Variants in UCHL3 observed in about 807,000 individuals in gnomAD.
UCHL3 encodes ubiquitin carboxyl-terminal hydrolase isozyme L3.
UCHL3 carries 22 observed loss-of-function variants against 35.8 expected under a neutral mutation model. That is an observed-to-expected ratio of 0.61 (90% CI 0.44 to 0.88). UCHL3 has a LOEUF of 0.88. Ranked by LOEUF, UCHL3 falls within the 40% of genes least tolerant of loss-of-function variation. The pLI, the probability that UCHL3 is intolerant of heterozygous loss-of-function variation, is 0.00. For missense variants in UCHL3, 229 were observed against 276.9 expected (o/e 0.83, Z 1.23); for synonymous variants, 90 against 92.8 (o/e 0.97, Z 0.17).
chr13:75,604,229 C>G (rs1412150575), intron 7 of UCHL3, among the ~76,000 whole-genome samples: 1 of 152,042 alleles, frequency 6.6e-6, no homozygotes, highest in Non-Finnish European at 1.5e-5. Context: ...TGAAAAAGTA[C>G]TAGTTTATTT....
intron 6 of UCHL3, among the ~76,000 whole-genome samples, chr13:75,574,592 A>G (rs1593738845): frequency 6.6e-6 from 1 of 152,216 alleles, no homozygotes; most frequent in East Asian, 1.9e-4. Flanking sequence ...CATTTACCTT[A>G]TGGGATTGTT....
intron 6 of UCHL3, among the ~76,000 whole-genome samples, chr13:75,570,051 TTTTC>T (rs1450767557): frequency 6.6e-5 from 10 of 152,172 alleles, no homozygotes; most frequent in South Asian, 2.1e-4. Flanking sequence ...TCCTTCCATC[TTTTC>T]TTTCTTTCTT....
chr13:75,561,681 G>A (rs1362783973), intron 3 of UCHL3, among the ~76,000 whole-genome samples: 2 of 151,916 alleles, frequency 1.3e-5, no homozygotes, highest in South Asian at 2.1e-4. Context: ...GCTTTAGGGT[G>A]TGTTGGGGAT....
intron 2 of UCHL3, among the ~76,000 whole-genome samples, chr13:75,557,087 T>G (rs949000545): frequency 6.6e-6 from 1 of 152,084 alleles, no homozygotes. Flanking sequence ...TGATGATGTA[T>G]GCCTGTAGTC....
intron 6 of UCHL3, among the ~76,000 whole-genome samples, chr13:75,584,127 C>T (rs567843144): frequency 5.9e-5 from 9 of 152,160 alleles, no homozygotes; most frequent in South Asian, 4.1e-4. Flanking sequence ...ACCCCTTTTG[C>T]GGGAGGGGCA....
At position 75,601,769 on chromosome 13, in the gene UCHL3, A is replaced by G. The variant is rs550917195; in HGVS notation, c.551-3000A>G. The stretch of plus-strand genomic sequence containing the variant: ...GCCTGTACATTTTTTAGAAGTTTTA[A>G]TTTCTGTATAGTCTCTCTTTTTTAA... On this transcript the variant is annotated intron_variant, in intron 7 of 8. Coordinates refer to ENST00000377595, the MANE Select transcript of UCHL3 (RefSeq NM_006002.5). Among the ~76,000 whole-genome samples, 15 of 152,236 alleles carry G rather than the reference A, an allele frequency of 9.9e-5. No homozygotes were observed. The East Asian group carries it at 1.7e-3, about 18-fold the overall frequency.
intron 6 of UCHL3, among the ~76,000 whole-genome samples, chr13:75,587,284 C>T (rs1169135450): frequency 3.3e-5 from 5 of 151,788 alleles, no homozygotes; most frequent in Non-Finnish European, 1.5e-5. Context: ...AAGATAAAGA[C>T]TGTTAGAAAT....
At position 75,560,735 on chromosome 13, in the gene UCHL3, C is replaced by G. The variant is rs750950034; in HGVS notation, c.55-18C>G. The G allele has an allele frequency of 6.5e-7, 1 of 1,540,022 alleles. No individual in the cohort carries two copies. Among genetic ancestry groups the G allele is most frequent in the African/African-American group, 1.4e-5 (1 of 69,520 alleles). On this transcript the variant is annotated intron_variant, in intron 2 of 8. Transcript: ENST00000377595. ...ACTAATGTTCCATTGTTTTTTTTTT[C>G]TTTCTTTCTTTTACCAGTTTCTTAA...
intron 6 of UCHL3, among the ~76,000 whole-genome samples, chr13:75,591,839 G>A (rs1173461833): frequency 6.6e-6 from 1 of 152,088 alleles, no homozygotes; most frequent in East Asian, 1.9e-4. Flanking sequence ...TGCTTGGGAT[G>A]AGAAGTGTTT....
At position 75,549,962 on chromosome 13, in the gene UCHL3, T is replaced by G; in HGVS notation, c.43-14T>G. The G allele has an allele frequency of 1.2e-6, 2 of 1,614,268 alleles. No individual in the cohort carries two copies. The highest frequency in any genetic ancestry group is 1.7e-6 in the Non-Finnish European group (2 of 1,180,034). ...TGGTTTGTCTCTAAAGCGTGTTCTC[T>G]GTTTCGTTTTCAGGTCACCAACCAG... On this transcript the variant is annotated splice_polypyrimidine_tract_variant and intron_variant, in intron 1 of 8. Coordinates refer to ENST00000377595, the MANE Select transcript of UCHL3 (RefSeq NM_006002.5).
chr13:75,566,824 G>A lies in UCHL3; in HGVS notation c.313G>A (p.Ala105Thr). ...AACAATTGGACTGATTCATGCTATT[G>A]CAAACAATAAAGACAAGATGCACTT... ...CGTIGLIHAI[A>T]NNKDKMHFES... is the part of the protein sequence containing the mutation. Residue 105 changes from alanine to threonine, a missense_variant, in exon 4 of 9, where the codon GCA (alanine) becomes ACA (threonine). Ala to Thr is a moderately conservative substitution (Grantham distance 58). Transcript: ENST00000377595. 6.2e-7 allele frequency: 1 copy of A among 1,600,006 alleles called. No individual in the cohort carries two copies. The highest frequency in any genetic ancestry group is 1.3e-5 in the African/African-American group (1 of 74,180).
intron 6 of UCHL3, among the ~76,000 whole-genome samples, chr13:75,591,190 T>C (rs1463210751): frequency 2.6e-5 from 4 of 152,234 alleles, no homozygotes; most frequent in Admixed American, 1.3e-4. Context: ...TCTAGTGTTA[T>C]ACTCAAACTG....
In UCHL3 at chr13:75,605,178, G is replaced by A. The variant is rs141847540; in HGVS notation, c.609+351G>A. ...TTGTGTGGCTTAGAATCAATGAAAC[G>A]TGATTTTTAGTTGAAAAGTTTCTTA... On this transcript the variant is annotated intron_variant, in intron 8 of 8. Coordinates refer to ENST00000377595, the MANE Select transcript of UCHL3 (RefSeq NM_006002.5). Among the ~76,000 whole-genome samples, 239 of 152,246 alleles carry A rather than the reference G, an allele frequency of 1.6e-3. 1 individual carries two copies. Among genetic ancestry groups the A allele is most frequent in the African/African-American group, 5.5e-3 (228 of 41,528 alleles).
chr13:75,568,687 T>A (rs1185475520), intron 5 of UCHL3, among the ~76,000 whole-genome samples: 1 of 152,004 alleles, frequency 6.6e-6, no homozygotes, highest in Non-Finnish European at 1.5e-5. Context: ...TTTTTCACTA[T>A]TTTAATAAAT....
At chr13:75,555,498 C>T (rs1231523917) in intron 2 of UCHL3, among the ~76,000 whole-genome samples, 3 of 152,160 alleles carry the variant, frequency 2.0e-5, no homozygotes, top group Admixed American at 6.5e-5. Context: ...ATGAATAGAT[C>T]TTATAAAGCT....
intron 3 of UCHL3, among the ~76,000 whole-genome samples, chr13:75,563,104 T>C (rs2031568926): frequency 6.6e-6 from 1 of 151,900 alleles, no homozygotes; most frequent in South Asian, 2.1e-4. Flanking sequence ...GCAAAGGAAC[T>C]GTCATGGGTA....
At chr13:75,568,945 G>A (rs1297428461) in intron 5 of UCHL3, among the ~76,000 whole-genome samples, 9 of 151,230 alleles carry the variant, frequency 6.0e-5, no homozygotes, top group Non-Finnish European at 1.2e-4. Context: ...TATAAGAGTG[G>A]TTTTTTTTTA....
rs183729832 is a variant in UCHL3 at position 75,592,772 on chromosome 13, A to G, written c.475-2143A>G. ...TTTCATACCCTTTTTAGAATTTTGT[A>G]TTTTTAGTATGCACTTTTAGATTAA... On this transcript the variant is annotated intron_variant, in intron 6 of 8. Coordinates refer to ENST00000377595, the MANE Select transcript of UCHL3 (RefSeq NM_006002.5). 2.3e-3 allele frequency among the ~76,000 whole-genome samples: 348 copies of G among 151,928 alleles called. 2 individuals carry two copies. Among genetic ancestry groups the G allele is most frequent in the Non-Finnish European group, 4.0e-3 (269 of 67,922 alleles).
chr13:75,588,537 T>A (rs1465831975), intron 6 of UCHL3, among the ~76,000 whole-genome samples: 3 of 152,186 alleles, frequency 2.0e-5, no homozygotes, highest in Non-Finnish European at 2.9e-5. Context: ...TTCATTTATG[T>A]ATTTTTGATT....
Sources: allele counts gnomAD v4.1 joint callset (sites outside exome capture counted in the v4.1 genomes callset), GRCh38; gene constraint gnomAD v4.1.1; transcripts MANE v1.5; gene names NCBI Gene and HGNC (gene_info 2026-07-23, HGNC 2026-07-21).